ALK: variants seen among roughly 807,000 people sequenced by gnomAD.
The protein encoded by ALK is ALK receptor tyrosine kinase, also known as ALK tyrosine kinase receptor.
Under a neutral mutation model 163.1 loss-of-function variants are expected in ALK, and 74 were observed. That is an observed-to-expected ratio of 0.45 (90% CI 0.38 to 0.55). The LOEUF (loss-of-function observed/expected upper bound fraction) is 0.55. ALK is among the 20% of genes least tolerant of loss of function. The pLI is 0.00. For synonymous variants in ALK, 960 were observed against 843.2 expected, an observed-to-expected ratio of 1.14 and a Z score of -2.40; for missense variants, 2,063 against 2,105.3, an observed-to-expected ratio of 0.98 and a Z score of 0.39.
intron 4 of ALK, among the ~76,000 whole-genome samples, chr2:29,474,522 C>T (rs1441188739): frequency 6.6e-6 from 1 of 152,162 alleles, no homozygotes; most frequent in Non-Finnish European, 1.5e-5. Flanking sequence ...GCTGGTTGTG[C>T]TGATGGTGAC....
chr2:29,832,750 T>A (rs879453448), intron 1 of ALK, among the ~76,000 whole-genome samples: 1 of 152,238 alleles, frequency 6.6e-6, no homozygotes, highest in Non-Finnish European at 1.5e-5. Flanking sequence ...ACCTACCATG[T>A]GCCAGGCTCT....
At chr2:29,400,144 T>G (rs1220995902) in intron 4 of ALK, among the ~76,000 whole-genome samples, 1 of 152,218 alleles carries the variant, frequency 6.6e-6, no homozygotes, top group Non-Finnish European at 1.5e-5. Flanking sequence ...TGGTGTCAGG[T>G]ACATCATCTC....
At chr2:29,408,156 C>G (rs1417803240) in intron 4 of ALK, among the ~76,000 whole-genome samples, 2 of 150,630 alleles carry the variant, frequency 1.3e-5, no homozygotes, top group African/African-American at 4.9e-5. Context: ...CATCTTGGCT[C>G]ACTGCAAACT....
At chr2:29,660,143 G>A (rs566434262) in intron 3 of ALK, among the ~76,000 whole-genome samples, 4 of 152,024 alleles carry the variant, frequency 2.6e-5, no homozygotes, top group African/African-American at 4.8e-5. Context: ...TGTCCAGCAC[G>A]GTCCTTCTGT....
chr2:29,630,463 T>C (rs1235095239), intron 3 of ALK, among the ~76,000 whole-genome samples: 1 of 152,064 alleles, frequency 6.6e-6, no homozygotes, highest in Non-Finnish European at 1.5e-5. Flanking sequence ...CTAGGGACTT[T>C]TGACATCCAA....
At chr2:29,754,667 G>A (rs1185181520) in intron 1 of ALK, among the ~76,000 whole-genome samples, 1 of 151,980 alleles carries the variant, frequency 6.6e-6, no homozygotes, top group Non-Finnish European at 1.5e-5. Flanking sequence ...TCCAGCCTGG[G>A]TGACAGAGCA....
intron 1 of ALK, chr2:29,890,836 C>T (rs1667124978): frequency 6.6e-6 from 1 of 152,206 alleles, no homozygotes; most frequent in African/African-American, 2.4e-5. Flanking sequence ...GGCCAGAAGA[C>T]TTCTCAAGTC....
At chr2:29,353,000 C>G (rs569706257) in intron 5 of ALK, among the ~76,000 whole-genome samples, 2 of 150,138 alleles carry the variant, frequency 1.3e-5, no homozygotes, top group South Asian at 4.2e-4. Context: ...CCAAAACAAA[C>G]CTCCTTCTTG....
chr2:29,575,592 C>G (rs1674501284), intron 3 of ALK, among the ~76,000 whole-genome samples: 1 of 152,184 alleles, frequency 6.6e-6, no homozygotes, highest in South Asian at 2.1e-4. Context: ...CACACACCCA[C>G]TATATACACC....
chr2:29,703,741 C>T (rs1678815817), intron 2 of ALK, among the ~76,000 whole-genome samples: 1 of 152,140 alleles, frequency 6.6e-6, no homozygotes. Flanking sequence ...TTGGCATTGC[C>T]TTTAGGTGAC....
In ALK at chr2:29,368,567, G is replaced by A. The variant is rs147986617; in HGVS notation, c.1282+15165C>T. On this transcript the variant is annotated intron_variant, in intron 5 of 28. Transcript: ENST00000389048. ...TTGCAAAATCAAATTACCAGGTGGT[G>A]GGGAAATGGACAGACCAGTTTATAT... 4.9e-3 allele frequency among the ~76,000 whole-genome samples: 741 copies of A among 152,318 alleles called. 4 individuals carry two copies. Among genetic ancestry groups the A allele is most frequent in the African/African-American group, 0.017 (699 of 41,558 alleles).
At chr2:29,376,917 G>C (rs1253019999) in intron 5 of ALK, among the ~76,000 whole-genome samples, 1 of 152,152 alleles carries the variant, frequency 6.6e-6, no homozygotes, top group Non-Finnish European at 1.5e-5. Context: ...GTCTTTGGTG[G>C]AGAAGAAGGA....
In ALK at chr2:29,751,987, T is replaced by C. The variant is rs151204584; in HGVS notation, c.668-34290A>G. On this transcript the variant is annotated intron_variant, in intron 1 of 28. Transcript: ENST00000389048. ...TATCCCCATTTTAGAGGTAAGGAAA[T>C]AGAGGCTCAGGAAGCTAAGATAATA... 7.1e-3 allele frequency among the ~76,000 whole-genome samples: 1,074 copies of C among 152,238 alleles called. 4 individuals carry two copies. The highest frequency in any genetic ancestry group is 0.034 in the Middle Eastern group (10 of 294).
chr2:29,418,836 A>G (rs191060373), intron 4 of ALK, among the ~76,000 whole-genome samples: 126 of 152,006 alleles, frequency 8.3e-4, no homozygotes, highest in South Asian at 4.1e-3. Context: ...AAAGGCTAAG[A>G]AAATGTACAT....
At chr2:29,301,864 A>T (rs943614697) in intron 8 of ALK, among the ~76,000 whole-genome samples, 1 of 152,170 alleles carries the variant, frequency 6.6e-6, no homozygotes, top group Admixed American at 6.5e-5. Flanking sequence ...AGGCTATGGC[A>T]TCCTTAGCCT....
intron 1 of ALK, among the ~76,000 whole-genome samples, chr2:29,903,910 G>A (rs1318960430): frequency 6.6e-6 from 1 of 152,094 alleles, no homozygotes; most frequent in Non-Finnish European, 1.5e-5. Flanking sequence ...CCAGGAAATA[G>A]GTTAGAATCA....
chr2:29,523,013 TG>T (rs1278875519), intron 4 of ALK, among the ~76,000 whole-genome samples: 1 of 152,146 alleles, frequency 6.6e-6, no homozygotes, highest in African/African-American at 2.4e-5. Flanking sequence ...GAGGCTTTGC[TG>T]TCTGAGGACT....
intron 3 of ALK, among the ~76,000 whole-genome samples, chr2:29,586,732 C>T (rs758342624): frequency 2.0e-5 from 3 of 152,156 alleles, no homozygotes; most frequent in Non-Finnish European, 4.4e-5. Context: ...GCCCCATCTC[C>T]CCATTGCTAC....
intron 3 of ALK, among the ~76,000 whole-genome samples, chr2:29,534,913 C>T (rs939576633): frequency 3.3e-5 from 5 of 152,124 alleles, no homozygotes; most frequent in African/African-American, 9.7e-5. Flanking sequence ...TTTCTGCAAC[C>T]GGACTATCAA....
Sources: gnomAD v4.1 joint callset for allele counts (sites outside exome capture counted in the v4.1 genomes callset) on GRCh38, gnomAD v4.1.1 for gene constraint, MANE v1.5 for transcripts, NCBI Gene and HGNC (gene_info 2026-07-23, HGNC 2026-07-21) for gene names.